ANK2: variants seen among roughly 807,000 people sequenced by gnomAD.
ANK2 encodes ankyrin-2.
ANK2 carries 83 observed loss-of-function variants against 360.5 expected under a neutral mutation model. The ratio of observed to expected loss-of-function variants is 0.23; its 90% confidence interval spans 0.19 to 0.28. The LOEUF is 0.28. ANK2 is among the 10% of genes least tolerant of loss of function. The pLI, the probability that ANK2 is intolerant of heterozygous loss-of-function variation, is 1.00. For missense variants in ANK2, 4,201 were observed against 4,795.7 expected (o/e 0.88, Z 3.66); for synonymous variants, 1,740 against 1,759.5 (o/e 0.99, Z 0.28).
At chr4:112,990,469 A>G (rs2046373667) in intron 2 of ANK2, among the ~76,000 whole-genome samples, 2 of 152,050 alleles carry the variant, frequency 1.3e-5, no homozygotes, top group South Asian at 4.2e-4. Context: ...TTTTATGTCC[A>G]GCATGTTTGT....
chr4:112,874,199 A>G (rs1406527632), intron 1 of ANK2, among the ~76,000 whole-genome samples: 1 of 147,990 alleles, frequency 6.8e-6, no homozygotes, highest in Non-Finnish European at 1.5e-5. Context: ...CTCCTGCCTC[A>G]GCCTCCTGAG....
chr4:112,992,671 G>A lies in ANK2; in HGVS notation c.21+88157G>A, dbSNP rs906018722. 2.0e-5 allele frequency among the ~76,000 whole-genome samples: 3 copies of A among 152,230 alleles called. No individual in the cohort carries two copies. The Middle Eastern group carries it at 0.01, about 518-fold the overall frequency. ...CAAAGAGAGGGATGACAAAAAACAA[G>A]CTCTTGGTGTCTCGTCTTGTAAGGG... On this transcript the variant is annotated intron_variant, in intron 2 of 30. Coordinates refer to the ANK2 transcript ENST00000503271.
intron 1 of ANK2, among the ~76,000 whole-genome samples, chr4:113,116,352 C>T (rs972901410): frequency 6.6e-6 from 1 of 152,144 alleles, no homozygotes; most frequent in African/African-American, 2.4e-5. Context: ...TTGAGCTCCC[C>T]GCTCTTTCTC....
intron 2 of ANK2, chr4:112,904,641 T>G: frequency 1.5e-6 from 1 of 652,596 alleles, no homozygotes; most frequent in Admixed American, 3.8e-5. Context: ...TGTTATAGCA[T>G]TAACAATTTT....
Position 112,962,253 on chromosome 4 carries a change from T to C in ANK2, c.21+57739T>C, listed in dbSNP as rs77853047. Among the ~76,000 whole-genome samples the C allele has an allele frequency of 3.0e-3, 463 of 152,168 alleles. 9 individuals carry two copies. Among genetic ancestry groups the C allele is most frequent in the Admixed American group, 0.021 (317 of 15,284 alleles). ...TTGTTCCCGTGTCTATGTCCATGAG[T>C]AGTCAATGTTTAGCTCTCACTTATA... On this transcript the variant is annotated intron_variant, in intron 2 of 30. Transcript: ENST00000503271.
chr4:112,753,893 T>A, the ANK2 span, among the ~76,000 whole-genome samples: 1 of 150,334 alleles, frequency 6.7e-6, no homozygotes, highest in Non-Finnish European at 1.5e-5. Context: ...AGGTCAGGAG[T>A]TTGAGACCAG....
At chr4:112,924,646 A>G (rs1224648510) in intron 2 of ANK2, among the ~76,000 whole-genome samples, 3 of 151,896 alleles carry the variant, frequency 2.0e-5, no homozygotes, top group Non-Finnish European at 4.4e-5. Context: ...TGACAGGAAA[A>G]AAGTCCACTA....
Position 113,356,321 on chromosome 4 carries a change from G to A in ANK2, c.7703G>A (p.Cys2568Tyr), listed in dbSNP as rs767713191. Reference protein sequence around the residue: ...STPKPAVIHECAEEDDSENGE... With the variant: ...STPKPAVIHEYAEEDDSENGE... ...CCAAAACCAGCTGTGATTCATGAATGTGCAGAGGAGGATGATTCAGAAAAC... is the reference window on the plus strand; with the variant it reads ...CCAAAACCAGCTGTGATTCATGAATATGCAGAGGAGGATGATTCAGAAAAC... Residue 2568 changes from cysteine to tyrosine, a missense_variant, in exon 38 of 46, where the codon TGT becomes TAT. Coordinates refer to ENST00000357077, the MANE Select transcript of ANK2 (RefSeq NM_001148.6). 6 of 1,614,158 alleles carry A rather than the reference G, an allele frequency of 3.7e-6. No individual in the cohort carries two copies. Among genetic ancestry groups the A allele is most frequent in the South Asian group, 2.2e-5 (2 of 91,086 alleles).
intron 1 of ANK2, chr4:112,882,039 C>T: frequency 2.2e-6 from 1 of 464,016 alleles, no homozygotes; most frequent in Non-Finnish European, 4.0e-6. Flanking sequence ...TGAGCCTTCT[C>T]CACTGCTCAG....
intron 23 of ANK2, among the ~76,000 whole-genome samples, chr4:113,304,815 A>T (rs533680334): frequency 1.4e-4 from 21 of 152,212 alleles, no homozygotes; most frequent in Admixed American, 1.4e-3. Flanking sequence ...AATTTTGCAT[A>T]TAAGGAAAAA....
intron 1 of ANK2, among the ~76,000 whole-genome samples, chr4:112,896,133 G>C (rs1290397005): frequency 2.0e-5 from 3 of 152,230 alleles, no homozygotes; most frequent in Non-Finnish European, 4.4e-5. Context: ...AGGGTCAGCA[G>C]GATTGCTGGA....
chr4:113,072,498 G>A (rs1013911372), intron 1 of ANK2, among the ~76,000 whole-genome samples: 1 of 152,168 alleles, frequency 6.6e-6, no homozygotes, highest in African/African-American at 2.4e-5. Flanking sequence ...ACTGGTCTTT[G>A]TGATGTTCAA....
At chr4:112,786,676 C>T in the ANK2 span, among the ~76,000 whole-genome samples, 1 of 151,710 alleles carries the variant, frequency 6.6e-6, no homozygotes, top group African/African-American at 2.4e-5. Context: ...AGGTGTGAGC[C>T]ACCATGCCCA....
chr4:113,212,751 G>A (rs1399217206), intron 4 of ANK2, among the ~76,000 whole-genome samples: 1 of 152,202 alleles, frequency 6.6e-6, no homozygotes, highest in African/African-American at 2.4e-5. Flanking sequence ...TCCATGTTCG[G>A]CATTTAGAAC....
chr4:112,936,362 T>C (rs998184246), intron 2 of ANK2, among the ~76,000 whole-genome samples: 1 of 152,104 alleles, frequency 6.6e-6, no homozygotes, highest in African/African-American at 2.4e-5. Flanking sequence ...TTTTTTTTTT[T>C]TGAGATGGAG....
At chr4:113,299,389 C>T (rs188111136) in intron 22 of ANK2, among the ~76,000 whole-genome samples, 14 of 152,294 alleles carry the variant, frequency 9.2e-5, no homozygotes, top group South Asian at 2.1e-4. Flanking sequence ...GACATCCTTT[C>T]ACATTTTTAA....
intron 2 of ANK2, among the ~76,000 whole-genome samples, chr4:113,195,281 T>C (rs2153383586): frequency 6.6e-6 from 1 of 152,228 alleles, no homozygotes; most frequent in Admixed American, 6.5e-5. Flanking sequence ...ATTATTACTA[T>C]TAAATGTCAC....
chr4:112,897,562 G>A (rs1282882681), intron 1 of ANK2, among the ~76,000 whole-genome samples: 1 of 150,142 alleles, frequency 6.7e-6, no homozygotes, highest in African/African-American at 2.5e-5. Flanking sequence ...TGAAAATGAA[G>A]GGATTAAAAC....
intron 1 of ANK2, among the ~76,000 whole-genome samples, chr4:113,052,913 C>T (rs1319456685): frequency 1.3e-5 from 2 of 152,130 alleles, no homozygotes; most frequent in African/African-American, 4.8e-5. Context: ...AACAATTCTA[C>T]GATTGTGTAT....
Sources: allele counts gnomAD v4.1 joint callset (sites outside exome capture counted in the v4.1 genomes callset), GRCh38; gene constraint gnomAD v4.1.1; transcripts MANE v1.5; gene names NCBI Gene and HGNC (gene_info 2026-07-23, HGNC 2026-07-21).